The following TNIK variants were observed in gnomAD, a reference collection of about 807,000 sequenced individuals.
The protein encoded by TNIK is TRAF2 and NCK interacting kinase.
In TNIK, 49 loss-of-function variants were observed where a neutral mutation model predicts 191.3. The ratio of observed to expected loss-of-function variants is 0.26; its 90% CI spans 0.20 to 0.32. The LOEUF (loss-of-function observed/expected upper bound fraction) is 0.32. Among genes scored for constraint, TNIK ranks in the 10% least tolerant of loss-of-function variants. The probability of loss-of-function intolerance (pLI) is 1.00; values close to 1 mark genes in which losing one functional copy is unlikely to be tolerated. For missense variants in TNIK, 1,155 were observed against 1,702.3 expected (o/e 0.68, Z 5.66); for synonymous variants, 594 against 600.9 (o/e 0.99, Z 0.17).
chr3:171,415,991 A>AAAG (rs1723010773), intron 1 of TNIK, among the ~76,000 whole-genome samples: 1 of 147,324 alleles, frequency 6.8e-6, no homozygotes, highest in African/African-American at 2.5e-5. Flanking sequence ...AAAAAAAAAA[A>AAAG]AAAAAAGAAA....
chr3:171,071,386 T>C (rs1560069716), intron 28 of TNIK, 63 bp from the exon 29 acceptor site: 1 of 1,141,178 alleles, frequency 8.8e-7, no homozygotes, highest in Admixed American at 2.3e-5. Context: ...TGTATTAATA[T>C]TAATGAATGT....
Position 171,114,702 on chromosome 3 carries a change from G to C in TNIK, c.2121-3825C>G, listed in dbSNP as rs1364995904. Among the ~76,000 whole-genome samples, 6 of 152,294 alleles carry C rather than the reference G, an allele frequency of 3.9e-5. No homozygotes were observed. In the South Asian group the frequency reaches 6.2e-4, roughly 16 times the overall value. On this transcript the variant is annotated intron_variant, in intron 18 of 32. Coordinates refer to ENST00000436636, the MANE Select transcript of TNIK (RefSeq NM_015028.4). ...ACTTTTGTGGTAAAAGGGTTGCTAA[G>C]TCAACTTAACAGTAAAATCAGTTGC...
At chr3:171,335,112 AG>A in intron 2 of TNIK, among the ~76,000 whole-genome samples, 1 of 152,042 alleles carries the variant, frequency 6.6e-6, no homozygotes, top group Non-Finnish European at 1.5e-5. Flanking sequence ...TTAATGCAAA[AG>A]GGTCTGGAAC....
intron 12 of TNIK, among the ~76,000 whole-genome samples, chr3:171,150,475 T>C (rs1732292845): frequency 6.6e-6 from 1 of 152,214 alleles, no homozygotes; most frequent in Non-Finnish European, 1.5e-5. Flanking sequence ...AAGCTTGTTA[T>C]TCACTCAGCA....
intron 2 of TNIK, among the ~76,000 whole-genome samples, chr3:171,335,839 T>C (rs570559173): frequency 5.9e-5 from 9 of 152,322 alleles, no homozygotes; most frequent in Non-Finnish European, 1.2e-4. Context: ...TAAGAAACTA[T>C]GAAAGTGCTT....
chr3:171,113,369 G>GC (rs1016692244), intron 18 of TNIK, among the ~76,000 whole-genome samples: 10 of 152,128 alleles, frequency 6.6e-5, no homozygotes, highest in Non-Finnish European at 1.0e-4. Context: ...ACTTTGGGAG[G>GC]CCAAGGCAGG....
chr3:171,357,439 C>T (rs977465450), intron 2 of TNIK, among the ~76,000 whole-genome samples: 5 of 152,030 alleles, frequency 3.3e-5, no homozygotes, highest in African/African-American at 1.2e-4. Context: ...CAGGCCCAGA[C>T]CACCACACTC....
chr3:171,250,089 G>A (rs998582640), intron 2 of TNIK, among the ~76,000 whole-genome samples: 4 of 152,166 alleles, frequency 2.6e-5, no homozygotes, highest in Admixed American at 6.5e-5. Flanking sequence ...TTGTTACTCC[G>A]CCTTTCAAAT....
intron 1 of TNIK, among the ~76,000 whole-genome samples, chr3:171,375,919 A>G (rs928086589): frequency 6.6e-6 from 1 of 152,158 alleles, no homozygotes; most frequent in African/African-American, 2.4e-5. Flanking sequence ...AGAATCTTTT[A>G]CTTGAGGCCA....
intron 12 of TNIK, among the ~76,000 whole-genome samples, chr3:171,149,381 T>TAC (rs1170161025): frequency 6.6e-6 from 1 of 152,184 alleles, no homozygotes; most frequent in African/African-American, 2.4e-5. Flanking sequence ...TAGCGTACTC[T>TAC]ACCTTCCTAT....
At chr3:171,098,364 A>C (rs1024557847) in intron 22 of TNIK, among the ~76,000 whole-genome samples, 8 of 152,216 alleles carry the variant, frequency 5.3e-5, no homozygotes, top group African/African-American at 1.9e-4. Context: ...TAAAATAAAA[A>C]TCTCCCATAA....
intron 3 of TNIK, among the ~76,000 whole-genome samples, chr3:171,223,020 A>G (rs1178958317): frequency 6.6e-6 from 1 of 152,216 alleles, no homozygotes; most frequent in East Asian, 1.9e-4. Flanking sequence ...TACTGAGAAA[A>G]CTAAAAATTA....
At chr3:171,370,384 G>A (rs1716323729) in intron 1 of TNIK, among the ~76,000 whole-genome samples, 1 of 152,148 alleles carries the variant, frequency 6.6e-6, no homozygotes, top group African/African-American at 2.4e-5. Flanking sequence ...CTAACCCCAG[G>A]AGTCAGCTAA....
In TNIK at chr3:171,298,341, G is replaced by A. The variant is rs983466353; in HGVS notation, c.124-70120C>T. Reference sequence around the variant, plus strand: ...CATTAACAAATGGAACTTTTTTTGCGAATATTCACTTGTAAAAATACTTAG... The same window carrying A: ...CATTAACAAATGGAACTTTTTTTGCAAATATTCACTTGTAAAAATACTTAG... On this transcript the variant is annotated intron_variant, in intron 2 of 32. Coordinates refer to ENST00000436636, the MANE Select transcript of TNIK (RefSeq NM_015028.4). Among the ~76,000 whole-genome samples, 5 of 152,074 alleles carry A rather than the reference G, an allele frequency of 3.3e-5. No homozygotes were observed. The East Asian group carries it at 7.7e-4, about 23-fold the overall frequency.
chr3:171,338,646 G>A (rs1378130433), intron 2 of TNIK, among the ~76,000 whole-genome samples: 3 of 149,314 alleles, frequency 2.0e-5, no homozygotes, highest in African/African-American at 7.4e-5. Context: ...GTACCACCAT[G>A]CTCAGCTAAG....
chr3:171,074,738 A>T (rs910396062), intron 28 of TNIK, among the ~76,000 whole-genome samples: 2 of 152,190 alleles, frequency 1.3e-5, no homozygotes, highest in African/African-American at 2.4e-5. Flanking sequence ...AAATTTCACA[A>T]GAATTTGAAC....
chr3:171,407,964 A>G (rs1721923036), intron 1 of TNIK, among the ~76,000 whole-genome samples: 1 of 152,238 alleles, frequency 6.6e-6, no homozygotes, highest in Admixed American at 6.5e-5. Flanking sequence ...TGACACATCT[A>G]TCTGAGGCAC....
At chr3:171,336,196 T>C (rs1263886818) in intron 2 of TNIK, among the ~76,000 whole-genome samples, 2 of 152,188 alleles carry the variant, frequency 1.3e-5, no homozygotes, top group African/African-American at 4.8e-5. Flanking sequence ...AATGGGTTTT[T>C]GTTTTCCTCC....
intron 4 of TNIK, among the ~76,000 whole-genome samples, chr3:171,199,189 A>G (rs2108863270): frequency 6.6e-6 from 1 of 151,140 alleles, no homozygotes; most frequent in Middle Eastern, 3.4e-3. Flanking sequence ...TGATTGTTAA[A>G]TTATATAATG....
Sources: gnomAD v4.1 joint callset for allele counts (sites outside exome capture counted in the v4.1 genomes callset) on GRCh38, gnomAD v4.1.1 for gene constraint, MANE v1.5 for transcripts, NCBI Gene and HGNC (gene_info 2026-07-23, HGNC 2026-07-21) for gene names.